TRAPPC5: variants seen among roughly 807,000 people sequenced by gnomAD.
TRAPPC5 encodes the protein trafficking protein particle complex 5.
A neutral mutation model predicts 9.8 loss-of-function variants in TRAPPC5; 5 were observed. That is an observed-to-expected ratio of 0.51 (90% CI 0.27 to 1.07). The LOEUF (loss-of-function observed/expected upper bound fraction) is 1.07, where lower values mean the gene tolerates loss of function less well. TRAPPC5 is among the 50% of genes least tolerant of loss of function. TRAPPC5 has a pLI of 0.12. For missense variants in TRAPPC5, 243 were observed against 291.5 expected (o/e 0.83, Z 1.21); for synonymous variants, 146 against 140.7 (o/e 1.04, Z -0.26).
Position 7,683,013 on chromosome 19 carries a change from G to T in TRAPPC5, c.*193G>T. The T allele has an allele frequency of 1.6e-6, 1 of 613,106 alleles. No homozygotes were observed. The highest frequency in any genetic ancestry group is 2.8e-6 in the Non-Finnish European group (1 of 352,300). 38.0% of individuals were successfully genotyped at this position (613,106 alleles called of 1,614,324 possible). A position where few individuals can be genotyped will look rare whatever the true frequency, so the allele number is the denominator to read the frequency against. ...GGGTTGGGGGGTTGAGTGAGACCAGGAGTGGTGGGGAGAAATAAACCCGGC... is the reference window on the plus strand; with the variant it reads ...GGGTTGGGGGGTTGAGTGAGACCAGTAGTGGTGGGGAGAAATAAACCCGGC... On this transcript the variant is annotated 3_prime_UTR_variant, in exon 2 of 2. Transcript: ENST00000596148.
In TRAPPC5 at chr19:7,687,405, C is replaced by A; in HGVS notation, c.*4585C>A. 1 of 152,544 alleles carries A rather than the reference C, an allele frequency of 6.6e-6. No individual in the cohort carries two copies. The highest frequency in any genetic ancestry group is 1.5e-5 in the Non-Finnish European group (1 of 68,194). The allele number at this position is 152,544 out of a possible 1,614,324, so 9.4% of individuals were successfully genotyped here. A position where few individuals can be genotyped will look rare whatever the true frequency, so the allele number is the denominator to read the frequency against. ...CCTTGGCCGAGCGTGAGGCTGGTGCCACCTCAGCCTCCCAGACCCTGAGTA... is the reference window on the plus strand; with the variant it reads ...CCTTGGCCGAGCGTGAGGCTGGTGCAACCTCAGCCTCCCAGACCCTGAGTA... On this transcript the variant is annotated 3_prime_UTR_variant, in exon 2 of 2. Coordinates refer to ENST00000596148, the MANE Select transcript of TRAPPC5 (RefSeq NM_001042462.2).
Position 7,682,446 on chromosome 19 carries a change from G to C in TRAPPC5, c.193G>C (p.Val65Leu). 1 of 1,607,462 alleles carries C rather than the reference G, an allele frequency of 6.2e-7. No homozygotes were observed. The highest frequency in any genetic ancestry group is 8.5e-7 in the Non-Finnish European group (1 of 1,177,312). The change falls in exon 2 of 2, where the codon GTG (valine) becomes CTG (leucine). Residue 65 changes from valine to leucine, a missense_variant. Around this residue, in one of 2 missense-constraint regions of TRAPPC5, gnomAD observed 154 missense variants for 215.8 expected, o/e 0.71. Coordinates refer to ENST00000596148, the MANE Select transcript of TRAPPC5 (RefSeq NM_001042462.2). This position sits in a 1 kb window ranked among gnomAD's most constrained non-coding sequence, Gnocchi z 8.6. ...GCTGGGCCGCCAGGTGGGCGCGCGC[G>C]TGCTGGATGCGCTGGTGGCGCGCGA... ...AALGRQVGAR[V>L]LDALVAREKG...
rs1283544493 is a variant in TRAPPC5, at chr19:7,687,674, G to GA, written c.*4860dup. The GA allele has an allele frequency of 6.6e-6, 1 of 151,510 alleles. No individual in the cohort carries two copies. Among genetic ancestry groups the GA allele is most frequent in the Non-Finnish European group, 1.5e-5 (1 of 67,918 alleles). The allele number at this position is 151,510 out of a possible 1,614,324, so 9.4% of individuals were successfully genotyped here. A position where few individuals can be genotyped will look rare whatever the true frequency, so the allele number is the denominator to read the frequency against. On this transcript the variant is annotated 3_prime_UTR_variant, in exon 2 of 2. Coordinates refer to ENST00000596148, the MANE Select transcript of TRAPPC5 (RefSeq NM_001042462.2). ...GCACATTCTCCGTGTCATAGAGCAGGAAAAAATAAAAACGGGAGATCGAAT... is the reference window on the plus strand; with the variant it reads ...GCACATTCTCCGTGTCATAGAGCAGGAAAAAAATAAAAACGGGAGATCGAAT...
rs754285195 is a variant in TRAPPC5 at position 7,682,871 on chromosome 19, G to A, written c.*51G>A. Reference sequence around the variant, plus strand: ...GAGCCCCTCCCCACGTGTGTCTTGTGTCTTGTGTGGCGGCCTTAGATCCAC... The same window carrying A: ...GAGCCCCTCCCCACGTGTGTCTTGTATCTTGTGTGGCGGCCTTAGATCCAC... On this transcript the variant is annotated 3_prime_UTR_variant, in exon 2 of 2. Coordinates refer to ENST00000596148, the MANE Select transcript of TRAPPC5 (RefSeq NM_001042462.2). This position sits in a 1 kb window ranked among gnomAD's most constrained non-coding sequence, Gnocchi z 8.6. 3.3e-6 allele frequency: 5 copies of A among 1,500,206 alleles called. No homozygotes were observed. The South Asian group carries it at 6.6e-5, about 20-fold the overall frequency. The allele number at this position is 1,500,206 out of a possible 1,614,324, so 92.9% of individuals were successfully genotyped here. A position where few individuals can be genotyped will look rare whatever the true frequency, so the allele number is the denominator to read the frequency against.
chr19:7,682,291 T>G lies in TRAPPC5; in HGVS notation c.38T>G (p.Leu13Arg). Reference protein sequence around the residue: ...ARFTRGKSALLERALARPRTE... With the variant: ...ARFTRGKSALRERALARPRTE... ...TTCACGCGCGGGAAGTCGGCGCTGCTGGAGCGCGCGCTGGCGCGGCCGCGC... is the reference window on the plus strand; with the variant it reads ...TTCACGCGCGGGAAGTCGGCGCTGCGGGAGCGCGCGCTGGCGCGGCCGCGC... Residue 13 changes from leucine (L) to arginine (R), a missense_variant, in exon 2 of 2, where the codon CTG becomes CGG. Around this residue, in one of 2 missense-constraint regions of TRAPPC5, gnomAD observed 89 missense variants for 75.7 expected, o/e 1.18. Coordinates refer to ENST00000596148, the MANE Select transcript of TRAPPC5 (RefSeq NM_001042462.2). The surrounding 1 kb of genome is among the most constrained non-coding windows in gnomAD (Gnocchi z 8.6). The G allele has an allele frequency of 6.9e-7, 1 of 1,454,148 alleles. No individual in the cohort carries two copies. Among genetic ancestry groups the G allele is most frequent in the Non-Finnish European group, 9.0e-7 (1 of 1,112,316 alleles). 90.1% of individuals were successfully genotyped at this position (1,454,148 alleles called of 1,614,324 possible).
Position 7,682,330 on chromosome 19 carries a change from TGA to T in TRAPPC5, c.79_80del (p.Ser27ArgfsTer52). ...GCGCGGCCGCGCACCGAGGTGAGCC[TGA>T]GCGCCTTCGCACTGCTGTTCTCCGA... On this transcript the variant is annotated frameshift_variant, in exon 2 of 2. Coordinates refer to ENST00000596148, the MANE Select transcript of TRAPPC5 (RefSeq NM_001042462.2). LOFTEE classifies it high-confidence loss of function. The surrounding 1 kb of genome is among the most constrained non-coding windows in gnomAD (Gnocchi z 8.6). 1 of 1,542,662 alleles carries T rather than the reference TGA, an allele frequency of 6.5e-7. No homozygotes were observed. The highest frequency in any genetic ancestry group is 2.4e-5 in the East Asian group (1 of 40,870).
Position 7,682,608 on chromosome 19 carries a change from G to A in TRAPPC5, c.355G>A (p.Glu119Lys), listed in dbSNP as rs1172348896. 6.2e-7 allele frequency: 1 copy of A among 1,612,844 alleles called. No homozygotes were observed. Among genetic ancestry groups the A allele is most frequent in the Non-Finnish European group, 8.5e-7 (1 of 1,179,984 alleles). Residue 119 changes from glutamate to lysine, a missense_variant, in exon 2 of 2, where the codon GAG (glutamate) becomes AAG (lysine). Around this residue, in one of 2 missense-constraint regions of TRAPPC5, gnomAD observed 154 missense variants for 215.8 expected, o/e 0.71. Coordinates refer to ENST00000596148, the MANE Select transcript of TRAPPC5 (RefSeq NM_001042462.2). The surrounding 1 kb of genome is among the most constrained non-coding windows in gnomAD (Gnocchi z 8.6). ...NDDARTFYIIEREPLINTYIS... is the reference protein window; with the variant it reads ...NDDARTFYIIKREPLINTYIS... ...TGACGCGCGCACCTTCTACATCATC[G>A]AGCGCGAGCCGCTCATCAACACCTA...
rs949109894 is a variant in TRAPPC5 at position 7,681,496 on chromosome 19, C to CCT, written c.-13+620_-13+621dup. Reference sequence around the variant, plus strand: ...AGGCTCCCAACACCTCTGGGCCCCTCCTCCCAGCCTTCAGAACCCAGGCCC... The same window carrying CCT: ...AGGCTCCCAACACCTCTGGGCCCCTCCTCTCCCAGCCTTCAGAACCCAGGCCC... On this transcript the variant is annotated intron_variant, in intron 1 of 1. Transcript: ENST00000596148. The surrounding 1 kb of genome is among the most constrained non-coding windows in gnomAD (Gnocchi z 8.7). Among the ~76,000 whole-genome samples the CCT allele has an allele frequency of 6.6e-6, 1 of 152,212 alleles. No individual in the cohort carries two copies. Among genetic ancestry groups the CCT allele is most frequent in the African/African-American group, 2.4e-5 (1 of 41,450 alleles).
At position 7,686,264 on chromosome 19, in the gene TRAPPC5, CGGGGTT is replaced by C. The variant is rs1568484221; in HGVS notation, c.*3449_*3454del. The C allele has an allele frequency of 6.6e-6, 1 of 152,186 alleles. No individual in the cohort carries two copies. The highest frequency in any genetic ancestry group is 1.5e-5 in the Non-Finnish European group (1 of 68,114). The allele number at this position is 152,186 out of a possible 1,614,324, so 9.4% of individuals were successfully genotyped here. ...AGCTGTAGGGTTATGAGGCTGGGCCCGGGGTTGGGGCAAGGGAGGATGAAGAGAAAG... is the reference window on the plus strand; with the variant it reads ...AGCTGTAGGGTTATGAGGCTGGGCCCGGGGCAAGGGAGGATGAAGAGAAAG... On this transcript the variant is annotated 3_prime_UTR_variant, in exon 2 of 2. Coordinates refer to ENST00000596148, the MANE Select transcript of TRAPPC5 (RefSeq NM_001042462.2).
At position 7,682,901 on chromosome 19, in the gene TRAPPC5, T is replaced by C; in HGVS notation, c.*81T>C. 1 of 1,418,088 alleles carries C rather than the reference T, an allele frequency of 7.1e-7. No homozygotes were observed. Among genetic ancestry groups the C allele is most frequent in the Middle Eastern group, 1.8e-4 (1 of 5,478 alleles). 87.8% of individuals were successfully genotyped at this position (1,418,088 alleles called of 1,614,324 possible). ...GTGTGGCGGCCTTAGATCCACTCAG[T>C]ACCTTGAGCCACAGCCCTGCCCCAG... On this transcript the variant is annotated 3_prime_UTR_variant, in exon 2 of 2. Transcript: ENST00000596148. This position sits in a 1 kb window ranked among gnomAD's most constrained non-coding sequence, Gnocchi z 8.6.
Position 7,682,977 on chromosome 19 carries a change from G to A in TRAPPC5, c.*157G>A, listed in dbSNP as rs1338189230. On this transcript the variant is annotated 3_prime_UTR_variant, in exon 2 of 2. Coordinates refer to ENST00000596148, the MANE Select transcript of TRAPPC5 (RefSeq NM_001042462.2). This position sits in a 1 kb window ranked among gnomAD's most constrained non-coding sequence, Gnocchi z 8.6. ...TGTGTTTACAGTAGAGTGGGGGCGGGTCTGGCCATAGGGTTGGGGGGTTGA... is the reference window on the plus strand; with the variant it reads ...TGTGTTTACAGTAGAGTGGGGGCGGATCTGGCCATAGGGTTGGGGGGTTGA... The A allele has an allele frequency of 4.9e-6, 4 of 821,512 alleles. No homozygotes were observed. The highest frequency in any genetic ancestry group is 3.5e-5 in the African/African-American group (2 of 57,696). The allele number at this position is 821,512 out of a possible 1,614,324, so 50.9% of individuals were successfully genotyped here.
chr19:7,682,275 G>C lies in TRAPPC5; in HGVS notation c.22G>C (p.Gly8Arg). 7.1e-7 allele frequency: 1 copy of C among 1,417,542 alleles called. No individual in the cohort carries two copies. The highest frequency in any genetic ancestry group is 9.1e-7 in the Non-Finnish European group (1 of 1,093,596). 87.8% of individuals were successfully genotyped at this position (1,417,542 alleles called of 1,614,324 possible). Residue 8 changes from glycine (G) to arginine (R), a missense_variant, in exon 2 of 2, where the codon GGG (glycine) becomes CGG (arginine). Transcript: ENST00000596148. This position sits in a 1 kb window ranked among gnomAD's most constrained non-coding sequence, Gnocchi z 8.6. MEARFTRGKSALLERALA... is the reference protein window; with the variant it reads MEARFTRRKSALLERALA... ...CGGCATGGAGGCGCGCTTCACGCGCGGGAAGTCGGCGCTGCTGGAGCGCGC... is the reference window on the plus strand; with the variant it reads ...CGGCATGGAGGCGCGCTTCACGCGCCGGAAGTCGGCGCTGCTGGAGCGCGC...
rs117867584 is a variant in TRAPPC5 at position 7,680,898 on chromosome 19, C to G, written c.-13+20C>G. 5 of 152,396 alleles carry G rather than the reference C, an allele frequency of 3.3e-5. No homozygotes were observed. Among genetic ancestry groups the G allele is most frequent in the East Asian group, 1.9e-4 (1 of 5,178 alleles). 9.4% of individuals were successfully genotyped at this position (152,396 alleles called of 1,614,324 possible). The stretch of plus-strand genomic sequence containing the variant: ...TTCCTGGTGAGACCCTACCCACCCC[C>G]CTGCCCGCGCCGGGCCTCGTCCGCT... On this transcript the variant is annotated intron_variant, in intron 1 of 1. Transcript: ENST00000596148.
In TRAPPC5 at chr19:7,687,503, C is replaced by T. The variant is rs1461786721; in HGVS notation, c.*4683C>T. 1.3e-5 allele frequency: 2 copies of T among 152,606 alleles called. No homozygotes were observed. Among genetic ancestry groups the T allele is most frequent in the South Asian group, 4.1e-4 (2 of 4,842 alleles). The allele number at this position is 152,606 out of a possible 1,614,324, so 9.5% of individuals were successfully genotyped here. Reference sequence around the variant, plus strand: ...CTCCCCATCAGCCTGTCCAGCCAGCCAGCACTTACTGAGTGCCTTCTGTGT... The same window carrying T: ...CTCCCCATCAGCCTGTCCAGCCAGCTAGCACTTACTGAGTGCCTTCTGTGT... On this transcript the variant is annotated 3_prime_UTR_variant, in exon 2 of 2. Transcript: ENST00000596148.
In TRAPPC5 at chr19:7,682,640, C is replaced by A; in HGVS notation, c.387C>A (p.Ser129=). The A allele has an allele frequency of 6.2e-7, 1 of 1,613,838 alleles. No individual in the cohort carries two copies. Among genetic ancestry groups the A allele is most frequent in the South Asian group, 1.1e-5 (1 of 91,082 alleles). ...AGCCGCTCATCAACACCTACATCTC[C>A]GTGCCCAAGGAGAACAGCACGCTCA... ...EREPLINTYI[S]VPKENSTLNC... is the part of the protein sequence containing the mutation. Residue 129 remains serine, a synonymous_variant, in exon 2 of 2, where the codon TCC becomes TCA. Transcript: ENST00000596148. This position sits in a 1 kb window ranked among gnomAD's most constrained non-coding sequence, Gnocchi z 8.6.
chr19:7,681,771 CG>C lies in TRAPPC5; in HGVS notation c.-12-467del, dbSNP rs2032641306. 6.6e-6 allele frequency among the ~76,000 whole-genome samples: 1 copy of C among 152,060 alleles called. No homozygotes were observed. The highest frequency in any genetic ancestry group is 1.5e-5 in the Non-Finnish European group (1 of 68,002). On this transcript the variant is annotated intron_variant, in intron 1 of 1. Coordinates refer to ENST00000596148, the MANE Select transcript of TRAPPC5 (RefSeq NM_001042462.2). This position sits in a 1 kb window ranked among gnomAD's most constrained non-coding sequence, Gnocchi z 8.7. ...GGGTCGTCTGTGCTGGAGCGCAGGGCGGGGCAGGAGCGACTGCCCATATCCC... is the reference window on the plus strand; with the variant it reads ...GGGTCGTCTGTGCTGGAGCGCAGGGCGGGCAGGAGCGACTGCCCATATCCC...
Position 7,682,286 on chromosome 19 carries a change from G to C in TRAPPC5, c.33G>C (p.Ala11=). 1 of 1,430,800 alleles carries C rather than the reference G, an allele frequency of 7.0e-7. No individual in the cohort carries two copies. Among genetic ancestry groups the C allele is most frequent in the Non-Finnish European group, 9.1e-7 (1 of 1,099,922 alleles). 88.6% of individuals were successfully genotyped at this position (1,430,800 alleles called of 1,614,324 possible). A position where few individuals can be genotyped will look rare whatever the true frequency, so the allele number is the denominator to read the frequency against. Residue 11 remains alanine (A), a synonymous_variant, in exon 2 of 2, where the codon GCG becomes GCC. Transcript: ENST00000596148. The surrounding 1 kb of genome is among the most constrained non-coding windows in gnomAD (Gnocchi z 8.6). MEARFTRGKS[A]LLERALARPR... Reference sequence around the variant, plus strand: ...CGCGCTTCACGCGCGGGAAGTCGGCGCTGCTGGAGCGCGCGCTGGCGCGGC... The same window carrying C: ...CGCGCTTCACGCGCGGGAAGTCGGCCCTGCTGGAGCGCGCGCTGGCGCGGC...
rs1017836816 is a variant in TRAPPC5, at chr19:7,683,311, T to C, written c.*491T>C. ...TCTCACCTCACTGCAAACCTCCACC[T>C]TGGGTTCACGTGATTCTCCTGCCTC... On this transcript the variant is annotated 3_prime_UTR_variant, in exon 2 of 2. Coordinates refer to ENST00000596148, the MANE Select transcript of TRAPPC5 (RefSeq NM_001042462.2). 1 of 151,898 alleles carries C rather than the reference T, an allele frequency of 6.6e-6. No homozygotes were observed. The highest frequency in any genetic ancestry group is 1.5e-5 in the Non-Finnish European group (1 of 68,508). 9.4% of individuals were successfully genotyped at this position (151,898 alleles called of 1,614,324 possible). A position where few individuals can be genotyped will look rare whatever the true frequency, so the allele number is the denominator to read the frequency against.
rs1040254010 is a variant in TRAPPC5 at position 7,682,966 on chromosome 19, A to G, written c.*146A>G. On this transcript the variant is annotated 3_prime_UTR_variant, in exon 2 of 2. Coordinates refer to ENST00000596148, the MANE Select transcript of TRAPPC5 (RefSeq NM_001042462.2). This position sits in a 1 kb window ranked among gnomAD's most constrained non-coding sequence, Gnocchi z 8.6. The stretch of plus-strand genomic sequence containing the variant: ...CCAGGTCCGAATGTGTTTACAGTAG[A>G]GTGGGGGCGGGTCTGGCCATAGGGT... 1 of 905,672 alleles carries G rather than the reference A, an allele frequency of 1.1e-6. No homozygotes were observed. The highest frequency in any genetic ancestry group is 1.7e-6 in the Non-Finnish European group (1 of 604,320). 56.1% of individuals were successfully genotyped at this position (905,672 alleles called of 1,614,324 possible).
Sources: allele counts gnomAD v4.1 joint callset (sites outside exome capture counted in the v4.1 genomes callset), GRCh38; gene constraint gnomAD v4.1.1; regional missense constraint gnomAD v4.1.1; non-coding constraint Gnocchi (gnomAD v3.1); transcripts MANE v1.5; gene names NCBI Gene and HGNC (gene_info 2026-07-23, HGNC 2026-07-21).